The following ITPR1 variants were observed in gnomAD, a reference collection of about 807,000 sequenced individuals.
ITPR1 encodes the protein inositol 1,4,5-trisphosphate-gated calcium channel ITPR1.
In ITPR1, 96 loss-of-function variants were observed where a neutral mutation model predicts 318.4. That is an observed-to-expected ratio of 0.30 (90% confidence interval 0.26 to 0.36). The LOEUF is 0.36. Ranked by LOEUF, ITPR1 falls within the 10% of genes least tolerant of loss-of-function variation. The pLI, the probability that ITPR1 is intolerant of heterozygous loss-of-function variation, is 1.00. For missense variants in ITPR1, 2,440 were observed against 3,460.2 expected (o/e 0.71, Z 7.40); for synonymous variants, 1,312 against 1,289.9 (o/e 1.02, Z -0.37).
chr3:4,663,060 C>T lies in ITPR1; in HGVS notation c.1413-5C>T, dbSNP rs1286043213. 4 of 1,613,254 alleles carry T rather than the reference C, an allele frequency of 2.5e-6. No homozygotes were observed. The highest frequency in any genetic ancestry group is 3.4e-6 in the Non-Finnish European group (4 of 1,179,510). ...TCTGTCTCTAATAGCGTCTTTCCTC[C>T]TAAGGTCTGTAACCAAGCTGCTAGA... On this transcript the variant is annotated splice_region_variant and splice_polypyrimidine_tract_variant and intron_variant, in intron 15 of 61. Coordinates refer to ENST00000649015, the MANE Select transcript of ITPR1 (RefSeq NM_001378452.1).
intron 44 of ITPR1, among the ~76,000 whole-genome samples, chr3:4,757,903 C>T (rs1342399970): frequency 6.6e-6 from 1 of 152,122 alleles, no homozygotes; most frequent in African/African-American, 2.4e-5. Context: ...TGCTCTGTCA[C>T]CCACAGAGTA....
At chr3:4,679,787 G>A (rs144462747) in intron 24 of ITPR1, among the ~76,000 whole-genome samples, 1 of 152,170 alleles carries the variant, frequency 6.6e-6, no homozygotes, top group Non-Finnish European at 1.5e-5. Context: ...TGGGAAGATA[G>A]CAAATAGGAT....
rs149254365 is a variant in ITPR1, at chr3:4,694,285, A to G, written c.4281+544A>G. Among the ~76,000 whole-genome samples, 1,236 of 136,790 alleles carry G rather than the reference A, an allele frequency of 9.0e-3. 10 individuals are homozygous for G. Among genetic ancestry groups the G allele is most frequent in the Non-Finnish European group, 0.012 (794 of 67,528 alleles). The allele number at this position is 136,790 out of a possible 152,430, so 89.7% of individuals were successfully genotyped here. A position where few individuals can be genotyped will look rare whatever the true frequency, so the allele number is the denominator to read the frequency against. ...GATTAGTAATGAAAAACTGGATTAT[A>G]AAGTATATATTTATGATATATAAAG... is the stretch of plus-strand genomic sequence containing the variant. On this transcript the variant is annotated intron_variant, in intron 33 of 61. Coordinates refer to ENST00000649015, the MANE Select transcript of ITPR1 (RefSeq NM_001378452.1).
chr3:4,708,479 T>A (rs1400418748), intron 37 of ITPR1, among the ~76,000 whole-genome samples: 1 of 152,154 alleles, frequency 6.6e-6, no homozygotes, highest in Non-Finnish European at 1.5e-5. Flanking sequence ...AGTTCTTAAA[T>A]AACAAAGAGA....
At chr3:4,532,863 A>G (rs1250429555) in intron 4 of ITPR1, among the ~76,000 whole-genome samples, 3 of 152,216 alleles carry the variant, frequency 2.0e-5, no homozygotes, top group Non-Finnish European at 4.4e-5. Flanking sequence ...AATTCTGACT[A>G]TTAGTGCTGA....
At position 4,538,301 on chromosome 3, in the gene ITPR1, C is replaced by G. The variant is rs140775696; in HGVS notation, c.163+17207C>G. Among the ~76,000 whole-genome samples, 335 of 152,194 alleles carry G rather than the reference C, an allele frequency of 2.2e-3. 3 individuals carry two copies. The highest frequency in any genetic ancestry group is 3.1e-3 in the Non-Finnish European group (212 of 68,022). ...GGCCAAGAAACATATGAAAAAAGCT[C>G]GACATCACTGATCATTAGAGAAATG... On this transcript the variant is annotated intron_variant, in intron 4 of 61. Coordinates refer to ENST00000649015, the MANE Select transcript of ITPR1 (RefSeq NM_001378452.1).
intron 4 of ITPR1, among the ~76,000 whole-genome samples, chr3:4,605,441 A>G (rs1575687921): frequency 2.0e-5 from 3 of 152,216 alleles, no homozygotes; most frequent in Non-Finnish European, 4.4e-5. Flanking sequence ...TGAACCATAG[A>G]TAAGATAAAA....
At chr3:4,514,419 A>AGACATAAATTTGGTCTGGTTCAAAAT (rs2082044865) in intron 2 of ITPR1, among the ~76,000 whole-genome samples, 1 of 152,224 alleles carries the variant, frequency 6.6e-6, no homozygotes, top group Admixed American at 6.5e-5. Flanking sequence ...CATGGGGTAC[A>AGACATAAATTTGGTCTGGTTCAAAAT]TCATGCTTTG....
In ITPR1 at chr3:4,632,284, T is replaced by G. The variant is rs114067778; in HGVS notation, c.279+4406T>G. Among the ~76,000 whole-genome samples, 647 of 152,354 alleles carry G rather than the reference T, an allele frequency of 4.2e-3. 6 individuals are homozygous for G. The highest frequency in any genetic ancestry group is 0.015 in the African/African-American group (623 of 41,582). ...AGTTGTCCTCACTTTGCTTTTCTGGTATAAAGATCATTTTGTTCAGTGAGA... is the reference window on the plus strand; with the variant it reads ...AGTTGTCCTCACTTTGCTTTTCTGGGATAAAGATCATTTTGTTCAGTGAGA... On this transcript the variant is annotated intron_variant, in intron 5 of 61. Transcript: ENST00000649015.
chr3:4,794,470 C>A (rs968301352), intron 52 of ITPR1, among the ~76,000 whole-genome samples: 1 of 152,186 alleles, frequency 6.6e-6, no homozygotes, highest in African/African-American at 2.4e-5. Flanking sequence ...CATCCAACTT[C>A]AGGGAAATGG....
chr3:4,756,324 A>AT (rs71623173), intron 44 of ITPR1, among the ~76,000 whole-genome samples: 2 of 151,776 alleles, frequency 1.3e-5, no homozygotes, highest in South Asian at 2.1e-4. Context: ...TTTCAGCCAA[A>AT]TTTTTTTTTA....
At chr3:4,820,089 AT>A (rs1182209402) in intron 60 of ITPR1, among the ~76,000 whole-genome samples, 3 of 152,168 alleles carry the variant, frequency 2.0e-5, no homozygotes, top group Non-Finnish European at 4.4e-5. Flanking sequence ...GCCAGTGTGG[AT>A]TTCCACAGGT....
chr3:4,562,857 C>T (rs540173630), intron 4 of ITPR1, among the ~76,000 whole-genome samples: 4 of 149,918 alleles, frequency 2.7e-5, no homozygotes, highest in Non-Finnish European at 5.9e-5. Flanking sequence ...GAGACAGACA[C>T]CAAGAAGCAA....
Position 4,702,965 on chromosome 3 carries a change from C to G in ITPR1, c.4657+15C>G. 2 of 1,612,402 alleles carry G rather than the reference C, an allele frequency of 1.2e-6. No individual in the cohort carries two copies. Among genetic ancestry groups the G allele is most frequent in the Non-Finnish European group, 1.7e-6 (2 of 1,178,654 alleles). ...GTCTGATGTAGGTAAGATACCAAGT[C>G]AGTTTGGATATACGTGATGAAAATG... is the stretch of plus-strand genomic sequence containing the variant. On this transcript the variant is annotated intron_variant, in intron 36 of 61. Coordinates refer to ENST00000649015, the MANE Select transcript of ITPR1 (RefSeq NM_001378452.1).
chr3:4,702,879 A>G lies in ITPR1; in HGVS notation c.4586A>G (p.Tyr1529Cys). Residue 1529 changes from tyrosine to cysteine, a missense_variant, in exon 36 of 62, where the codon TAC becomes TGC. Physicochemically the swap from Tyr to Cys is radical, Grantham distance 194. Around this residue, in one of 23 missense-constraint regions of ITPR1, gnomAD observed 166 missense variants for 246.5 expected, o/e 0.67. Transcript: ENST00000649015. ...CTGCTGCAAGGCGTGTTCAGGGTTT[A>G]CCACTGCAACTGGTTAATGCCAAGC... Reference protein sequence around the residue: ...VQLLQGVFRVYHCNWLMPSQK... With the variant: ...VQLLQGVFRVCHCNWLMPSQK... The G allele has an allele frequency of 1.2e-6, 2 of 1,613,962 alleles. No homozygotes were observed. The highest frequency in any genetic ancestry group is 1.7e-6 in the Non-Finnish European group (2 of 1,179,858).
intron 5 of ITPR1, among the ~76,000 whole-genome samples, chr3:4,629,550 T>A (rs1451143376): frequency 2.6e-5 from 4 of 152,254 alleles, no homozygotes; most frequent in Admixed American, 6.5e-5. Context: ...TGCTCACTGC[T>A]GTATCCCAGC....
At chr3:4,812,824 C>G (rs532147531) in intron 56 of ITPR1, among the ~76,000 whole-genome samples, 95 of 152,318 alleles carry the variant, frequency 6.2e-4, no homozygotes, top group Non-Finnish European at 9.8e-4. Flanking sequence ...CTCGTGCAGA[C>G]TTGGTATAAA....
intron 24 of ITPR1, among the ~76,000 whole-genome samples, chr3:4,679,588 A>G (rs917510649): frequency 6.6e-6 from 1 of 152,130 alleles, no homozygotes; most frequent in Non-Finnish European, 1.5e-5. Flanking sequence ...GTGCCCACTC[A>G]CACTGGGTGA....
intron 12 of ITPR1, among the ~76,000 whole-genome samples, chr3:4,657,247 T>G (rs1460748141): frequency 6.6e-6 from 1 of 152,152 alleles, no homozygotes; most frequent in African/African-American, 2.4e-5. Context: ...TTTTAGTTTT[T>G]CTCCTGGGAA....
Sources: allele counts gnomAD v4.1 joint callset (sites outside exome capture counted in the v4.1 genomes callset), GRCh38; gene constraint gnomAD v4.1.1; regional missense constraint gnomAD v4.1.1; transcripts MANE v1.5; gene names NCBI Gene and HGNC (gene_info 2026-07-23, HGNC 2026-07-21).